Variants in COL25A1 observed in about 807,000 individuals in gnomAD.
COL25A1 encodes collagen alpha-1(XXV) chain.
A neutral mutation model predicts 128.4 loss-of-function variants in COL25A1; 103 were observed. The ratio of observed to expected loss-of-function variants is 0.80; its 90% CI spans 0.68 to 0.94. The LOEUF (loss-of-function observed/expected upper bound fraction) is 0.94. COL25A1 is among the 40% of genes least tolerant of loss of function. The pLI is 0.00. For synonymous variants in COL25A1, 279 were observed against 277.2 expected (o/e 1.01, Z -0.06); for missense variants, 745 against 840.0 (o/e 0.89, Z 1.40).
Position 109,016,271 on chromosome 4 carries a change from C to T in COL25A1, c.421-5896G>A, listed in dbSNP as rs536763714. Among the ~76,000 whole-genome samples, 7 of 152,326 alleles carry T rather than the reference C, an allele frequency of 4.6e-5. No individual in the cohort carries two copies. In the East Asian group the frequency reaches 1.4e-3, roughly 29 times the overall value. ...GATCAGGGTAGTGCTGATACAGCAG[C>T]CCCCCGCTGCCTCAGCCCCCTCCAG... is the stretch of plus-strand genomic sequence containing the variant. On this transcript the variant is annotated intron_variant, in intron 5 of 37. Transcript: ENST00000399132.
At chr4:108,867,887 T>C (rs897822947) in intron 20 of COL25A1, among the ~76,000 whole-genome samples, 1 of 152,118 alleles carries the variant, frequency 6.6e-6, no homozygotes, top group Non-Finnish European at 1.5e-5. Flanking sequence ...GCAGCATATA[T>C]ATATATTTTT....
chr4:109,068,204 T>C (rs1189018506), intron 3 of COL25A1, among the ~76,000 whole-genome samples: 1 of 152,172 alleles, frequency 6.6e-6, no homozygotes, highest in Non-Finnish European at 1.5e-5. Context: ...TTTTCTTTTA[T>C]CAAAGTCTTC....
chr4:108,941,270 C>CA lies in COL25A1; in HGVS notation c.564+95dup, dbSNP rs1748054396. 1.3e-5 allele frequency: 12 copies of CA among 932,238 alleles called. No individual in the cohort carries two copies. The South Asian group carries it at 1.9e-4, about 15-fold the overall frequency. The allele number at this position is 932,238 out of a possible 1,614,324, so 57.7% of individuals were successfully genotyped here. ...CAAATAAATGCCCACATACCACCCA[C>CA]ACCCCACCCATAAGAGATAAATCGT... On this transcript the variant is annotated intron_variant, in intron 9 of 37. Coordinates refer to ENST00000399132, the MANE Select transcript of COL25A1 (RefSeq NM_198721.4).
At chr4:109,282,948 T>C (rs1351158289) in intron 3 of COL25A1, among the ~76,000 whole-genome samples, 1 of 152,156 alleles carries the variant, frequency 6.6e-6, no homozygotes, top group Admixed American at 6.5e-5. Flanking sequence ...CTAAACTTTA[T>C]TACTATTGCT....
intron 6 of COL25A1, among the ~76,000 whole-genome samples, chr4:109,003,818 A>G (rs563243455): frequency 6.7e-6 from 1 of 150,110 alleles, no homozygotes; most frequent in South Asian, 2.1e-4. Context: ...AAACAAAAAC[A>G]AAAAAACGAA....
chr4:109,188,208 C>G (rs532883844), intron 3 of COL25A1, among the ~76,000 whole-genome samples: 2 of 152,294 alleles, frequency 1.3e-5, no homozygotes, highest in East Asian at 3.9e-4. Flanking sequence ...AACAAATATA[C>G]AACTGGTCAG....
intron 3 of COL25A1, among the ~76,000 whole-genome samples, chr4:109,203,991 C>A (rs557751250): frequency 3.3e-5 from 5 of 152,208 alleles, no homozygotes; most frequent in Non-Finnish European, 7.4e-5. Context: ...AGAATAAAAT[C>A]TTCATCTATA....
chr4:108,970,637 C>A (rs116720690), intron 8 of COL25A1, among the ~76,000 whole-genome samples: 1 of 152,100 alleles, frequency 6.6e-6, no homozygotes, highest in African/African-American at 2.4e-5. Flanking sequence ...CGTTGCTGTA[C>A]AGTAGATCTG....
At chr4:109,071,915 A>T (rs1206470373) in intron 3 of COL25A1, among the ~76,000 whole-genome samples, 1 of 152,218 alleles carries the variant, frequency 6.6e-6, no homozygotes, top group Non-Finnish European at 1.5e-5. Context: ...CTAGAACTAG[A>T]AATACCATTT....
chr4:108,870,979 A>T (rs1423665430), intron 19 of COL25A1, among the ~76,000 whole-genome samples: 3 of 152,172 alleles, frequency 2.0e-5, no homozygotes, highest in African/African-American at 7.2e-5. Flanking sequence ...AAAAGAGTAA[A>T]TGTTGCAAAA....
At chr4:108,862,698 T>TTA (rs1737404229) in intron 21 of COL25A1, among the ~76,000 whole-genome samples, 153 bp from the exon 22 acceptor site, 1 of 152,222 alleles carries the variant, frequency 6.6e-6, no homozygotes, top group African/African-American at 2.4e-5. Flanking sequence ...ATGTCGGTTA[T>TTA]TATAATACTA....
At chr4:109,243,426 T>C (rs1009978977) in intron 3 of COL25A1, among the ~76,000 whole-genome samples, 13 of 151,662 alleles carry the variant, frequency 8.6e-5, no homozygotes, top group African/African-American at 3.2e-4. Context: ...CTCTTTATCC[T>C]AAAAAAAATT....
chr4:109,141,221 G>T (rs1263124410), intron 3 of COL25A1, among the ~76,000 whole-genome samples: 1 of 152,164 alleles, frequency 6.6e-6, no homozygotes, highest in Non-Finnish European at 1.5e-5. Flanking sequence ...TTCTGTTTAT[G>T]TGATGAATTA....
intron 3 of COL25A1, among the ~76,000 whole-genome samples, chr4:109,251,848 T>C (rs924578101): frequency 3.3e-5 from 5 of 152,218 alleles, no homozygotes; most frequent in Non-Finnish European, 7.3e-5. Flanking sequence ...CACCATATAT[T>C]TAACACTGAT....
chr4:109,091,901 T>A lies in COL25A1; in HGVS notation c.368-41722A>T, dbSNP rs568374549. Among the ~76,000 whole-genome samples, 4 of 152,254 alleles carry A rather than the reference T, an allele frequency of 2.6e-5. No individual in the cohort carries two copies. In the South Asian group the frequency reaches 8.3e-4, roughly 32 times the overall value. On this transcript the variant is annotated intron_variant, in intron 3 of 37. Transcript: ENST00000399132. The stretch of plus-strand genomic sequence containing the variant: ...GTGAGTTTTCCAAGATTCATTGAGA[T>A]GTGAGCCAGCGCTGTATGCCTCAGA...
At position 108,843,757 on chromosome 4, in the gene COL25A1, C is replaced by T. The variant is rs112987726; in HGVS notation, c.1629+762G>A. Among the ~76,000 whole-genome samples the T allele has an allele frequency of 8.6e-3, 1,305 of 152,130 alleles. 18 individuals carry two copies. Among genetic ancestry groups the T allele is most frequent in the African/African-American group, 0.029 (1,221 of 41,500 alleles). On this transcript the variant is annotated intron_variant, in intron 30 of 37. Transcript: ENST00000399132. Reference sequence around the variant, plus strand: ...CAAATATTCTTTTTTAAAATTGACACATAATAACTATATATTTATGGATAT... The same window carrying T: ...CAAATATTCTTTTTTAAAATTGACATATAATAACTATATATTTATGGATAT...
chr4:109,098,045 A>G (rs1007219570), intron 3 of COL25A1, among the ~76,000 whole-genome samples: 9 of 152,154 alleles, frequency 5.9e-5, no homozygotes, highest in African/African-American at 2.2e-4. Flanking sequence ...TGGTGTATCA[A>G]TTTCATAAAG....
At chr4:109,229,850 T>C (rs80302647) in intron 3 of COL25A1, among the ~76,000 whole-genome samples, 91 of 152,244 alleles carry the variant, frequency 6.0e-4, no homozygotes, top group Admixed American at 4.5e-3. Context: ...ATACTTCAGA[T>C]AGGGCAACTT....
intron 16 of COL25A1, among the ~76,000 whole-genome samples, chr4:108,896,312 T>C (rs1294506176): frequency 6.6e-6 from 1 of 151,946 alleles, no homozygotes; most frequent in Non-Finnish European, 1.5e-5. Context: ...ACAAACTGAA[T>C]CACTTTAGGG....
Sources: allele counts gnomAD v4.1 joint callset (sites outside exome capture counted in the v4.1 genomes callset), GRCh38; gene constraint gnomAD v4.1.1; transcripts MANE v1.5; gene names NCBI Gene and HGNC (gene_info 2026-07-23, HGNC 2026-07-21).